Variants in TBC1D16 observed in about 807,000 individuals in gnomAD.
TBC1D16 encodes the protein TBC1 domain family member 16.
TBC1D16 carries 58 observed loss-of-function variants against 74.7 expected under a neutral mutation model. The ratio of observed to expected loss-of-function variants is 0.78; its 90% confidence interval spans 0.63 to 0.97. The LOEUF is 0.97. TBC1D16 is among the 50% of genes least tolerant of loss of function. The pLI, the probability that TBC1D16 is intolerant of heterozygous loss-of-function variation, is 0.00. For synonymous variants in TBC1D16, 493 were observed against 474.7 expected (o/e 1.04, Z -0.50); for missense variants, 1,014 against 1,079.5 (o/e 0.94, Z 0.85).
chr17:79,940,824 TC>T lies in TBC1D16; in HGVS notation c.*34del. The stretch of plus-strand genomic sequence containing the variant: ...CCCGTGCCCAGGGCCTCTGAGGAGG[TC>T]CCCTCAACCCCTGTCCGGTGTCGGG... On this transcript the variant is annotated 3_prime_UTR_variant, in exon 12 of 12. Transcript: ENST00000310924. The surrounding 1 kb of genome is among the most constrained non-coding windows in gnomAD (Gnocchi z 5.4). 1 of 1,486,156 alleles carries T rather than the reference TC, an allele frequency of 6.7e-7. No homozygotes were observed. The highest frequency in any genetic ancestry group is 9.0e-7 in the Non-Finnish European group (1 of 1,111,194). 92.1% of individuals were successfully genotyped at this position (1,486,156 alleles called of 1,614,324 possible). A position where few individuals can be genotyped will look rare whatever the true frequency, so the allele number is the denominator to read the frequency against.
chr17:79,962,577 T>A (rs1407422517), intron 3 of TBC1D16, among the ~76,000 whole-genome samples: 3 of 152,114 alleles, frequency 2.0e-5, no homozygotes, highest in Non-Finnish European at 4.4e-5. Flanking sequence ...TGTACAATGA[T>A]CATCACCTTC....
chr17:80,010,573 G>C lies in TBC1D16; in HGVS notation c.366C>G (p.Ser122=). 1 of 1,600,864 alleles carries C rather than the reference G, an allele frequency of 6.2e-7. No homozygotes were observed. Among genetic ancestry groups the C allele is most frequent in the South Asian group, 1.1e-5 (1 of 88,920 alleles). ...RGRRTRSSGA[S]HQPSPTELRP... ...GCAGCTCCGTCGGGGAGGGCTGGTG[G>C]GAGGCTCCTGAGCTCCGGGTGCGCC... The change falls in exon 3 of 12, where the codon TCC becomes TCG. Residue 122 remains serine, a synonymous_variant. Transcript: ENST00000310924. This position sits in a 1 kb window ranked among gnomAD's most constrained non-coding sequence, Gnocchi z 8.8.
Position 79,940,947 on chromosome 17 carries a change from C to T in TBC1D16, c.2216G>A (p.Gly739Asp), listed in dbSNP as rs766450766. The T allele has an allele frequency of 6.2e-7, 1 of 1,601,388 alleles. No individual in the cohort carries two copies. Among genetic ancestry groups the T allele is most frequent in the Non-Finnish European group, 8.5e-7 (1 of 1,174,312 alleles). The change falls in exon 12 of 12, where the codon GGC becomes GAC. Residue 739 changes from glycine (G) to aspartate (D), a missense_variant. By Grantham distance (94) the Gly-to-Asp change is moderately conservative. Transcript: ENST00000310924. The surrounding 1 kb of genome is among the most constrained non-coding windows in gnomAD (Gnocchi z 5.4). ...HPGSESCPYG[G>D]TVEMPSPKSL... is the part of the protein sequence containing the mutation. ...CTTGGGGGAAGGCATCTCCACCGTG[C>T]CCCCGTAGGGACAGCTCTCCGAGCC...
intron 1 of TBC1D16, among the ~76,000 whole-genome samples, chr17:80,027,707 C>A (rs2036628051): frequency 6.6e-6 from 1 of 151,778 alleles, no homozygotes; most frequent in African/African-American, 2.4e-5. Flanking sequence ...GCCTGGCCAA[C>A]ATGGCGAAAC....
chr17:80,010,428 C>A lies in TBC1D16; in HGVS notation c.511G>T (p.Asp171Tyr), dbSNP rs751450993. The change falls in exon 3 of 12, where the codon GAT becomes TAT. Residue 171 changes from aspartate to tyrosine, a missense_variant. Asp to Tyr is a radical substitution (Grantham distance 160, BLOSUM62 -3). Coordinates refer to ENST00000310924, the MANE Select transcript of TBC1D16 (RefSeq NM_019020.4). This position sits in a 1 kb window ranked among gnomAD's most constrained non-coding sequence, Gnocchi z 8.8. Reference protein sequence around the residue: ...EEKLAQGLGVDGAQPASQPAC... With the variant: ...EEKLAQGLGVYGAQPASQPAC... Reference sequence around the variant, plus strand: ...GGCTGCGAGGCTGGCTGGGCACCATCCACCCCCAAGCCCTGCGCCAGCTTC... The same window carrying A: ...GGCTGCGAGGCTGGCTGGGCACCATACACCCCCAAGCCCTGCGCCAGCTTC... The A allele has an allele frequency of 2.5e-6, 4 of 1,610,374 alleles. No individual in the cohort carries two copies. The South Asian group carries it at 4.4e-5, about 18-fold the overall frequency.
Position 80,001,853 on chromosome 17 carries a change from G to A in TBC1D16, c.779+8307C>T, listed in dbSNP as rs546400663. ...TCACATGCCCTTCCCTCCACCCCCC[G>A]CCTCCTGCTCCCTTCCTCATCCCCT... On this transcript the variant is annotated intron_variant, in intron 3 of 11. Transcript: ENST00000310924. This position sits in a 1 kb window ranked among gnomAD's most constrained non-coding sequence, Gnocchi z 5.8. Among the ~76,000 whole-genome samples the A allele has an allele frequency of 9.9e-5, 7 of 70,728 alleles. No homozygotes were observed. The highest frequency in any genetic ancestry group is 5.2e-4 in the South Asian group (1 of 1,918). The allele number at this position is 70,728 out of a possible 152,430, so 46.4% of individuals were successfully genotyped here.
chr17:80,013,454 C>G lies in TBC1D16; in HGVS notation c.94G>C (p.Val32Leu), dbSNP rs768079167. 1.2e-6 allele frequency: 2 copies of G among 1,601,882 alleles called. No individual in the cohort carries two copies. Among genetic ancestry groups the G allele is most frequent in the African/African-American group, 2.7e-5 (2 of 74,788 alleles). The change falls in exon 2 of 12, where the codon GTC (valine) becomes CTC (leucine). Residue 32 changes from valine (V) to leucine (L), a missense_variant. Coordinates refer to ENST00000310924, the MANE Select transcript of TBC1D16 (RefSeq NM_019020.4). ...PGGSGSGSPS[V>L]LDGEIIYSKN... Reference sequence around the variant, plus strand: ...GAGTAGATGATCTCTCCATCCAGGACAGAGGGGGACCCGCTGCCGCTGCCA... The same window carrying G: ...GAGTAGATGATCTCTCCATCCAGGAGAGAGGGGGACCCGCTGCCGCTGCCA...
rs577125657 is a variant in TBC1D16 at position 79,968,807 on chromosome 17, C to T, written c.780-15989G>A. On this transcript the variant is annotated intron_variant, in intron 3 of 11. Transcript: ENST00000310924. ...GGTGGAGCTTGCAGTGAGCTGAGAT[C>T]GCACCACTGCACTCCACAGAGCCAG... Among the ~76,000 whole-genome samples the T allele has an allele frequency of 6.9e-3, 833 of 120,856 alleles. 3 individuals carry two copies. Among genetic ancestry groups the T allele is most frequent in the Non-Finnish European group, 9.4e-3 (591 of 62,778 alleles). 79.3% of individuals were successfully genotyped at this position (120,856 alleles called of 152,430 possible). A position where few individuals can be genotyped will look rare whatever the true frequency, so the allele number is the denominator to read the frequency against.
At chr17:80,018,178 CAAA>C (rs535459874) in intron 1 of TBC1D16, among the ~76,000 whole-genome samples, 23 of 86,078 alleles carry the variant, frequency 2.7e-4, no homozygotes, top group Admixed American at 2.6e-4. Context: ...TTCTGGTAAG[CAAA>C]AAAAAAAAAA....
In TBC1D16 at chr17:79,990,591, A is replaced by G. The variant is rs180964368; in HGVS notation, c.779+19569T>C. ...TTTCCTTCTCTCTGTTTATTGTGGT[A>G]AAATGTCCATAACATAAAATTCACC... On this transcript the variant is annotated intron_variant, in intron 3 of 11. Transcript: ENST00000310924. The surrounding 1 kb of genome is among the most constrained non-coding windows in gnomAD (Gnocchi z 4.8). Among the ~76,000 whole-genome samples, 1 of 152,384 alleles carries G rather than the reference A, an allele frequency of 6.6e-6. No individual in the cohort carries two copies. Among genetic ancestry groups the G allele is most frequent in the Admixed American group, 6.5e-5 (1 of 15,304 alleles).
chr17:79,961,936 A>G lies in TBC1D16; in HGVS notation c.780-9118T>C, dbSNP rs1400299393. Among the ~76,000 whole-genome samples the G allele has an allele frequency of 6.6e-6, 1 of 152,178 alleles. No individual in the cohort carries two copies. The highest frequency in any genetic ancestry group is 1.5e-5 in the Non-Finnish European group (1 of 68,022). ...AACAACCCAGGGTTTATCAACAGCC[A>G]ATGCAGTAATGAATCGTGGTCTGTA... is the stretch of plus-strand genomic sequence containing the variant. On this transcript the variant is annotated intron_variant, in intron 3 of 11. Transcript: ENST00000310924. The surrounding 1 kb of genome is among the most constrained non-coding windows in gnomAD (Gnocchi z 4.8).
At position 79,980,646 on chromosome 17, in the gene TBC1D16, T is replaced by A. The variant is rs551874300; in HGVS notation, c.780-27828A>T. On this transcript the variant is annotated intron_variant, in intron 3 of 11. Coordinates refer to ENST00000310924, the MANE Select transcript of TBC1D16 (RefSeq NM_019020.4). The surrounding 1 kb of genome is among the most constrained non-coding windows in gnomAD (Gnocchi z 7.0). ...CGGGGAACAGAAAGCCAGAACCTTC[T>A]AGATTCTGAGCTGCTGGGCTTTGTG... 6.6e-6 allele frequency among the ~76,000 whole-genome samples: 1 copy of A among 152,312 alleles called. No homozygotes were observed. Among genetic ancestry groups the A allele is most frequent in the South Asian group, 2.1e-4 (1 of 4,830 alleles).
rs73423926 is a variant in TBC1D16, at chr17:79,959,723, A to G, written c.780-6905T>C. Among the ~76,000 whole-genome samples the G allele has an allele frequency of 1.9e-3, 297 of 152,336 alleles. 2 individuals are homozygous for G. Among genetic ancestry groups the G allele is most frequent in the African/African-American group, 6.9e-3 (289 of 41,584 alleles). ...ACTCCCCCAAATTAACTCAAAACGG[A>G]TCACGGACCTAGATGTGAAACCTTA... On this transcript the variant is annotated intron_variant, in intron 3 of 11. Coordinates refer to ENST00000310924, the MANE Select transcript of TBC1D16 (RefSeq NM_019020.4).
Position 79,988,558 on chromosome 17 carries a change from C to T in TBC1D16, c.779+21602G>A, listed in dbSNP as rs2034935431. On this transcript the variant is annotated intron_variant, in intron 3 of 11. Transcript: ENST00000310924. The surrounding 1 kb of genome is among the most constrained non-coding windows in gnomAD (Gnocchi z 5.7). Reference sequence around the variant, plus strand: ...GTCGACCACCTCCCGCTCGGCAAGCCAGGGTCCTGGTGAACGCACGTGCCT... The same window carrying T: ...GTCGACCACCTCCCGCTCGGCAAGCTAGGGTCCTGGTGAACGCACGTGCCT... 6.6e-6 allele frequency among the ~76,000 whole-genome samples: 1 copy of T among 152,256 alleles called. No homozygotes were observed. Among genetic ancestry groups the T allele is most frequent in the Non-Finnish European group, 1.5e-5 (1 of 68,052 alleles).
Position 79,985,546 on chromosome 17 carries a change from C to T in TBC1D16, c.779+24614G>A, listed in dbSNP as rs1207243292. 2.0e-5 allele frequency among the ~76,000 whole-genome samples: 3 copies of T among 152,210 alleles called. No individual in the cohort carries two copies. The highest frequency in any genetic ancestry group is 7.2e-5 in the African/African-American group (3 of 41,452). ...GGAGCATCTCCCAGTCCAGTCTCAG[C>T]GGGCACTGGCCTGGCACTCACGCTC... On this transcript the variant is annotated intron_variant, in intron 3 of 11. Coordinates refer to ENST00000310924, the MANE Select transcript of TBC1D16 (RefSeq NM_019020.4). The surrounding 1 kb of genome is among the most constrained non-coding windows in gnomAD (Gnocchi z 4.9).
chr17:79,946,197 A>G (rs919675198), intron 9 of TBC1D16, among the ~76,000 whole-genome samples: 1 of 152,240 alleles, frequency 6.6e-6, no homozygotes, highest in Non-Finnish European at 1.5e-5. Flanking sequence ...CCTGGAAGAC[A>G]ATTTTTCCAC....
intron 4 of TBC1D16, 68 bp downstream of exon 4, chr17:79,952,589 A>G: frequency 3.3e-6 from 5 of 1,529,460 alleles, no homozygotes; most frequent in Non-Finnish European, 4.4e-6. Context: ...CACCGGCTGC[A>G]AAGCCCAGGC....
At position 79,937,369 on chromosome 17, in the gene TBC1D16, A is replaced by T. The variant is rs139648334; in HGVS notation, c.*3490T>A. On this transcript the variant is annotated 3_prime_UTR_variant, in exon 12 of 12. Transcript: ENST00000310924. ...TTAGCCCAAGGGGAGTCCTCATTCC[A>T]GAGCCAGCATCTTCATCTTGTCCTG... 6.6e-6 allele frequency: 1 copy of T among 152,486 alleles called. No homozygotes were observed. The highest frequency in any genetic ancestry group is 1.5e-5 in the Non-Finnish European group (1 of 68,172). 9.4% of individuals were successfully genotyped at this position (152,486 alleles called of 1,614,324 possible).
intron 3 of TBC1D16, among the ~76,000 whole-genome samples, chr17:79,964,426 T>A (rs1194275487): frequency 2.6e-5 from 4 of 152,272 alleles, no homozygotes; most frequent in Admixed American, 2.6e-4. Context: ...GCGCACATTT[T>A]TAAATTTTTC....
Sources: gnomAD v4.1 joint callset for allele counts (sites outside exome capture counted in the v4.1 genomes callset) on GRCh38, gnomAD v4.1.1 for gene constraint, Gnocchi (gnomAD v3.1) non-coding constraint, MANE v1.5 for transcripts, NCBI Gene and HGNC (gene_info 2026-07-23, HGNC 2026-07-21) for gene names.